The following DYNC1LI2 variants were observed in gnomAD, a reference collection of about 807,000 sequenced individuals.
DYNC1LI2 encodes the protein cytoplasmic dynein 1 light intermediate chain 2.
DYNC1LI2 carries 19 observed loss-of-function variants against 57.8 expected under a neutral mutation model. The ratio of observed to expected loss-of-function variants is 0.33; its 90% CI spans 0.23 to 0.48. DYNC1LI2 has a LOEUF of 0.48. Among genes scored for constraint, DYNC1LI2 ranks in the 20% least tolerant of loss-of-function variants. The probability of loss-of-function intolerance (pLI) is 0.99; values close to 1 mark genes in which losing one functional copy is unlikely to be tolerated. For missense variants in DYNC1LI2, 470 were observed against 604.2 expected, an observed-to-expected ratio of 0.78 and a Z score of 2.33; for synonymous variants, 256 against 233.4, an observed-to-expected ratio of 1.10 and a Z score of -0.88.
chr16:66,737,769 G>A (rs1445719257), intron 4 of DYNC1LI2, among the ~76,000 whole-genome samples: 1 of 152,204 alleles, frequency 6.6e-6, no homozygotes, highest in Non-Finnish European at 1.5e-5. Context: ...ATCCAGCTAA[G>A]GAAGGCCATT....
rs140091728 is a variant in DYNC1LI2 at position 66,722,951 on chromosome 16, C to T, written c.*771G>A. ...AGACATCCCACAGTGACTGTCTGCC[C>T]CACAACACATATCCGTGGACCCCAG... On this transcript the variant is annotated 3_prime_UTR_variant, in exon 13 of 13. Coordinates refer to ENST00000258198, the MANE Select transcript of DYNC1LI2 (RefSeq NM_006141.3). 5.7e-4 allele frequency: 94 copies of T among 166,190 alleles called. No homozygotes were observed. The highest frequency in any genetic ancestry group is 2.0e-3 in the African/African-American group (82 of 42,018). The allele number at this position is 166,190 out of a possible 1,614,324, so 10.3% of individuals were successfully genotyped here.
At chr16:66,735,870 G>A (rs559990913) in intron 5 of DYNC1LI2, among the ~76,000 whole-genome samples, 2 of 152,234 alleles carry the variant, frequency 1.3e-5, no homozygotes, top group East Asian at 3.9e-4. Context: ...TAGGCCATGA[G>A]CAAACTGACT....
chr16:66,733,757 G>A (rs1268023369), intron 6 of DYNC1LI2, among the ~76,000 whole-genome samples: 4 of 152,022 alleles, frequency 2.6e-5, no homozygotes. Context: ...GTTGTCCCAG[G>A]TACTCAGGAG....
chr16:66,737,939 C>T (rs985940390), intron 4 of DYNC1LI2, among the ~76,000 whole-genome samples: 1 of 152,116 alleles, frequency 6.6e-6, no homozygotes, highest in Admixed American at 6.6e-5. Flanking sequence ...GGCAGCTCTA[C>T]CCTTCTAAGT....
At chr16:66,733,510 C>G (rs1271883125) in intron 6 of DYNC1LI2, 1 of 152,232 alleles carries the variant, frequency 6.6e-6, no homozygotes, top group Non-Finnish European at 1.5e-5. Flanking sequence ...TCGAGACTAG[C>G]CTGGCCAACA....
intron 8 of DYNC1LI2, among the ~76,000 whole-genome samples, chr16:66,729,334 G>A (rs2017592574): frequency 6.6e-6 from 1 of 152,196 alleles, no homozygotes; most frequent in South Asian, 2.1e-4. Context: ...CTCAGGGTCT[G>A]CAGGACATCA....
At chr16:66,725,314 T>C (rs2144965373) in intron 12 of DYNC1LI2, among the ~76,000 whole-genome samples, 1 of 150,810 alleles carries the variant, frequency 6.6e-6, no homozygotes, top group African/African-American at 2.4e-5. Context: ...ACCACATCTC[T>C]ACTAAAAATA....
intron 5 of DYNC1LI2, among the ~76,000 whole-genome samples, chr16:66,735,672 AATTTTTTGT>A (rs890650277): frequency 1.3e-5 from 2 of 151,652 alleles, no homozygotes; most frequent in Admixed American, 6.6e-5. Flanking sequence ...ACGGCTGTCT[AATTTTTTGT>A]ATTTTTTGTA....
intron 11 of DYNC1LI2, among the ~76,000 whole-genome samples, chr16:66,726,788 C>T (rs1442270931): frequency 6.6e-6 from 1 of 152,084 alleles, no homozygotes; most frequent in African/African-American, 2.4e-5. Context: ...ATTACAGGTG[C>T]CCACCATCAC....
In DYNC1LI2 at chr16:66,751,597, C is replaced by T. The variant is rs1222279898; in HGVS notation, c.-6G>A. 3 of 1,571,020 alleles carry T rather than the reference C, an allele frequency of 1.9e-6. No homozygotes were observed. The highest frequency in any genetic ancestry group is 5.1e-5 in the East Asian group (2 of 39,196). ...TCCACCCCCACCGGCGCCATCTTGCCAACTGCAGCCACAAAGAGGGCCCTC... is the reference window on the plus strand; with the variant it reads ...TCCACCCCCACCGGCGCCATCTTGCTAACTGCAGCCACAAAGAGGGCCCTC... On this transcript the variant is annotated 5_prime_UTR_variant, in exon 1 of 13. Transcript: ENST00000258198. This position sits in a 1 kb window ranked among gnomAD's most constrained non-coding sequence, Gnocchi z 5.2.
intron 3 of DYNC1LI2, among the ~76,000 whole-genome samples, chr16:66,748,014 C>T (rs190240810): frequency 6.6e-6 from 1 of 152,074 alleles, no homozygotes; most frequent in African/African-American, 2.4e-5. Context: ...AGGCTGGGTG[C>T]AGTGGTTCAT....
intron 5 of DYNC1LI2, among the ~76,000 whole-genome samples, chr16:66,735,501 C>T (rs1430876694): frequency 2.7e-5 from 4 of 149,768 alleles, no homozygotes; most frequent in Non-Finnish European, 4.5e-5. Flanking sequence ...GCTGTGAGTT[C>T]TTTTTTTTTT....
chr16:66,749,993 TTAA>T (rs1380451145), intron 2 of DYNC1LI2, among the ~76,000 whole-genome samples: 11 of 152,332 alleles, frequency 7.2e-5, no homozygotes, highest in Admixed American at 7.2e-4. Flanking sequence ...CTTCTGCCAT[TTAA>T]TAATATGGAA....
chr16:66,740,974 A>T (rs1028462555), intron 4 of DYNC1LI2, among the ~76,000 whole-genome samples: 12 of 152,244 alleles, frequency 7.9e-5, no homozygotes, highest in Non-Finnish European at 1.5e-4. Flanking sequence ...GCCATCAATG[A>T]CTAAATCACA....
intron 11 of DYNC1LI2, among the ~76,000 whole-genome samples, chr16:66,726,503 G>C (rs928569286): frequency 6.6e-6 from 1 of 152,212 alleles, no homozygotes; most frequent in Admixed American, 6.5e-5. Flanking sequence ...ATTTTAAAGT[G>C]ACTCCCTCAG....
chr16:66,745,838 A>G (rs930010113), intron 3 of DYNC1LI2, among the ~76,000 whole-genome samples: 1 of 151,874 alleles, frequency 6.6e-6, no homozygotes, highest in African/African-American at 2.4e-5. Context: ...CGGGAGGTGG[A>G]GGTTGCAGGG....
At chr16:66,741,667 G>A (rs920576666) in intron 4 of DYNC1LI2, among the ~76,000 whole-genome samples, 2 of 151,964 alleles carry the variant, frequency 1.3e-5, no homozygotes, top group Non-Finnish European at 2.9e-5. Context: ...AGCTTGCCCC[G>A]GCCAGGACGG....
chr16:66,749,340 G>A (rs539493447), intron 2 of DYNC1LI2, 27 bp from the exon 3 acceptor site: 1 of 1,608,112 alleles, frequency 6.2e-7, no homozygotes, highest in South Asian at 1.1e-5. Context: ...CAAGACAAAG[G>A]TGTACTGTTT....
chr16:66,744,640 C>T (rs1006854610), intron 3 of DYNC1LI2, among the ~76,000 whole-genome samples: 1 of 151,954 alleles, frequency 6.6e-6, no homozygotes, highest in Non-Finnish European at 1.5e-5. Context: ...GCCGCCACCC[C>T]TCCCTGCTGC....
Sources: gnomAD v4.1 joint callset for allele counts (sites outside exome capture counted in the v4.1 genomes callset) on GRCh38, gnomAD v4.1.1 for gene constraint, Gnocchi (gnomAD v3.1) non-coding constraint, MANE v1.5 for transcripts, NCBI Gene and HGNC (gene_info 2026-07-23, HGNC 2026-07-21) for gene names.